Variants in BRINP3 observed in about 807,000 individuals in gnomAD.
BRINP3 encodes BMP/retinoic acid inducible neural specific 3, also known as BMP/retinoic acid-inducible neural-specific protein 3.
BRINP3 carries 19 observed loss-of-function variants against 71.0 expected under a neutral mutation model. The ratio of observed to expected loss-of-function variants is 0.27; its 90% confidence interval spans 0.19 to 0.39. BRINP3 has a LOEUF of 0.39. Ranked by LOEUF, BRINP3 falls within the 10% of genes least tolerant of loss-of-function variation. The probability of loss-of-function intolerance (pLI) is 1.00; values close to 1 mark genes in which losing one functional copy is unlikely to be tolerated. For missense variants in BRINP3, 959 were observed against 940.8 expected (o/e 1.02, Z -0.25); for synonymous variants, 380 against 337.7 (o/e 1.13, Z -1.37).
intron 4 of BRINP3, among the ~76,000 whole-genome samples, chr1:190,235,666 G>T (rs1049152326): frequency 2.0e-5 from 3 of 151,866 alleles, no homozygotes; most frequent in African/African-American, 7.2e-5. Flanking sequence ...TTGACTTGTT[G>T]TTCTAGTACC....
Position 190,226,197 on chromosome 1 carries a change from A to G in BRINP3, c.846T>C (p.Cys282=). 1.2e-6 allele frequency: 2 copies of G among 1,612,818 alleles called. No individual in the cohort carries two copies. Among genetic ancestry groups the G allele is most frequent in the Non-Finnish European group, 1.7e-6 (2 of 1,179,204 alleles). ...AGTTGCATTCTGGAAATTTGGGACC[A>G]CAGTGACACCAGCAGTCATTTTCCT... is the stretch of plus-strand genomic sequence containing the variant. ...ICKENDCWCH[C]GPKFPECNCP... is the part of the protein sequence containing the mutation. The change falls in exon 6 of 8, where the codon TGT becomes TGC. Residue 282 remains cysteine, a synonymous_variant. Transcript: ENST00000367462.
intron 4 of BRINP3, among the ~76,000 whole-genome samples, chr1:190,239,921 A>G (rs995770427): frequency 6.6e-6 from 1 of 151,890 alleles, no homozygotes; most frequent in African/African-American, 2.4e-5. Flanking sequence ...TACTTTTTTC[A>G]ATTACTAATA....
chr1:190,460,638 A>G (rs533968434), intron 1 of BRINP3, among the ~76,000 whole-genome samples: 3 of 152,308 alleles, frequency 2.0e-5, no homozygotes, highest in Non-Finnish European at 4.4e-5. Context: ...TTCTAGCCTC[A>G]GGAACTTACC....
intron 2 of BRINP3, among the ~76,000 whole-genome samples, chr1:190,294,729 C>A (rs1458042614): frequency 6.6e-6 from 1 of 151,872 alleles, no homozygotes; most frequent in Non-Finnish European, 1.5e-5. Context: ...TTCAGTCTTG[C>A]CTTGTTTGTA....
intron 2 of BRINP3, among the ~76,000 whole-genome samples, chr1:190,442,807 T>C (rs934022288): frequency 2.7e-5 from 4 of 149,140 alleles, no homozygotes; most frequent in Non-Finnish European, 4.4e-5. Context: ...TGTGCGTGTG[T>C]GTGTGTGTGT....
intron 2 of BRINP3, among the ~76,000 whole-genome samples, chr1:190,346,773 T>G (rs566493855): frequency 6.6e-6 from 1 of 152,254 alleles, no homozygotes; most frequent in Non-Finnish European, 1.5e-5. Context: ...CAGAATAGTA[T>G]ACTTACATCT....
intron 6 of BRINP3, among the ~76,000 whole-genome samples, chr1:190,190,700 T>C (rs1653959148): frequency 6.6e-6 from 1 of 151,878 alleles, no homozygotes; most frequent in Non-Finnish European, 1.5e-5. Flanking sequence ...ATAGGGAAAA[T>C]CAAAGTGTTT....
intron 7 of BRINP3, among the ~76,000 whole-genome samples, chr1:190,148,875 A>C (rs1656143739): frequency 6.6e-6 from 1 of 152,144 alleles, no homozygotes; most frequent in South Asian, 2.1e-4. Flanking sequence ...CAGATTGGGA[A>C]GAACTAGGAC....
At chr1:190,337,202 T>A (rs1398491323) in intron 2 of BRINP3, among the ~76,000 whole-genome samples, 4 of 151,920 alleles carry the variant, frequency 2.6e-5, no homozygotes, top group African/African-American at 9.7e-5. Flanking sequence ...CCACTCCTAC[T>A]CCCAGAAAAA....
chr1:190,399,813 C>T (rs1342345584), intron 2 of BRINP3, among the ~76,000 whole-genome samples: 2 of 151,970 alleles, frequency 1.3e-5, no homozygotes, highest in African/African-American at 2.4e-5. Flanking sequence ...GGATCATTCA[C>T]TTTTAGAACT....
At chr1:190,125,266 T>C (rs901762720) in intron 7 of BRINP3, among the ~76,000 whole-genome samples, 3 of 151,846 alleles carry the variant, frequency 2.0e-5, no homozygotes, top group Non-Finnish European at 4.4e-5. Flanking sequence ...CATGTCTATA[T>C]ATGCCTATAT....
At position 190,139,039 on chromosome 1, in the gene BRINP3, G is replaced by A. The variant is rs569896581; in HGVS notation, c.1184+21629C>T. ...ATTTTATAACTGAATGCAATGAAAT[G>A]ACAGACCAGAGTTGAACTTTGGATT... On this transcript the variant is annotated intron_variant, in intron 7 of 7. Coordinates refer to ENST00000367462, the MANE Select transcript of BRINP3 (RefSeq NM_199051.3). Among the ~76,000 whole-genome samples the A allele has an allele frequency of 7.2e-5, 11 of 152,114 alleles. No individual in the cohort carries two copies. In the South Asian group the frequency reaches 1.7e-3, roughly 23 times the overall value.
intron 2 of BRINP3, among the ~76,000 whole-genome samples, chr1:190,343,667 GTTAGA>G (rs1405854618): frequency 1.3e-5 from 2 of 151,376 alleles, no homozygotes; most frequent in African/African-American, 2.4e-5. Flanking sequence ...TGTTAGAGGT[GTTAGA>G]TTAAAGAAAA....
chr1:190,216,904 A>G (rs1010936820), intron 6 of BRINP3: 1 of 151,958 alleles, frequency 6.6e-6, no homozygotes, highest in African/African-American at 2.4e-5. Context: ...ATAAAATAGC[A>G]AACATAAACT....
At chr1:190,168,209 GTATA>G (rs10599869) in intron 6 of BRINP3, among the ~76,000 whole-genome samples, 1 of 144,586 alleles carries the variant, frequency 6.9e-6, no homozygotes, top group Non-Finnish European at 1.5e-5. Context: ...TATTTAATTT[GTATA>G]TATATATATA....
At chr1:190,474,119 C>T (rs1433439767) in intron 1 of BRINP3, among the ~76,000 whole-genome samples, 2 of 152,164 alleles carry the variant, frequency 1.3e-5, no homozygotes, top group Admixed American at 1.3e-4. Flanking sequence ...TTATACATTT[C>T]TTCTTCTAAC....
At chr1:190,379,882 C>T (rs1017579464) in intron 2 of BRINP3, among the ~76,000 whole-genome samples, 6 of 151,052 alleles carry the variant, frequency 4.0e-5, no homozygotes, top group African/African-American at 1.5e-4. Context: ...ACCTGTAATT[C>T]CAGCTACTCA....
chr1:190,473,114 T>A (rs1443068005), intron 1 of BRINP3, among the ~76,000 whole-genome samples: 8 of 151,748 alleles, frequency 5.3e-5, no homozygotes, highest in South Asian at 2.1e-4. Context: ...AAATACCTTC[T>A]CCCACCACCA....
At chr1:190,432,261 T>G (rs1392985700) in intron 2 of BRINP3, among the ~76,000 whole-genome samples, 2 of 152,204 alleles carry the variant, frequency 1.3e-5, no homozygotes, top group Non-Finnish European at 2.9e-5. Context: ...AACAGTGCAG[T>G]CATGAAATTC....
Sources: allele counts gnomAD v4.1 joint callset (sites outside exome capture counted in the v4.1 genomes callset), GRCh38; gene constraint gnomAD v4.1.1; transcripts MANE v1.5; gene names NCBI Gene and HGNC (gene_info 2026-07-23, HGNC 2026-07-21).